SPINK9: variants seen among roughly 807,000 people sequenced by gnomAD.
SPINK9 encodes the protein serine peptidase inhibitor Kazal type 9.
In SPINK9, 3 loss-of-function variants were observed where a neutral mutation model predicts 10.8. The observed-to-expected ratio is 0.28, with a 90% CI of 0.13 to 0.72. The LOEUF (loss-of-function observed/expected upper bound fraction) is 0.72. Ranked by LOEUF, SPINK9 falls within the 30% of genes least tolerant of loss-of-function variation. The pLI, the probability that SPINK9 is intolerant of heterozygous loss-of-function variation, is 0.74. For missense variants in SPINK9, 101 were observed against 103.2 expected, an observed-to-expected ratio of 0.98 and a Z score of 0.09; for synonymous variants, 30 against 31.2, an observed-to-expected ratio of 0.96 and a Z score of 0.12.
chr5:148,334,845 T>C (rs561836898), upstream of SPINK9, among the ~76,000 whole-genome samples: 20 of 152,100 alleles, frequency 1.3e-4, no homozygotes, highest in African/African-American at 4.3e-4. Flanking sequence ...GATGATCAAA[T>C]GAAGATTAAA....
chr5:148,328,079 C>T (rs1442067714), intron 2 of SPINK9, among the ~76,000 whole-genome samples: 1 of 152,030 alleles, frequency 6.6e-6, no homozygotes, highest in African/African-American at 2.4e-5. Context: ...GGCATTGAAT[C>T]TATAAATTAC....
chr5:148,332,145 G>T (rs78225471), upstream of SPINK9, among the ~76,000 whole-genome samples: 1 of 152,190 alleles, frequency 6.6e-6, no homozygotes, highest in Admixed American at 6.5e-5. Context: ...ACTTAAAAAG[G>T]TGTTCTTCCT....
At chr5:148,329,529 A>G (rs1179481216) in intron 2 of SPINK9, among the ~76,000 whole-genome samples, 1 of 151,946 alleles carries the variant, frequency 6.6e-6, no homozygotes, top group Non-Finnish European at 1.5e-5. Flanking sequence ...GATCTTAGTT[A>G]TTTCTTGCCT....
At chr5:148,323,690 G>T in exon 2 of SPINK9, 1 of 618,170 alleles carries the variant, frequency 1.6e-6, no homozygotes, top group Non-Finnish European at 2.9e-6. Flanking sequence ...TTAGGTATTG[G>T]AGAAGAAGTG....
At chr5:148,322,679 A>G (rs549650395) in intron 1 of SPINK9, among the ~76,000 whole-genome samples, 1 of 152,330 alleles carries the variant, frequency 6.6e-6, no homozygotes, top group East Asian at 1.9e-4. Flanking sequence ...TTTACAAAAC[A>G]CTTTCATAGC....
chr5:148,331,022 C>A (rs1757141614), upstream of SPINK9, among the ~76,000 whole-genome samples: 1 of 152,236 alleles, frequency 6.6e-6, no homozygotes, highest in Non-Finnish European at 1.5e-5. Flanking sequence ...AATTCCCTGA[C>A]CCCTTGCACT....
intron 1 of SPINK9, 61 bp from the exon 2 acceptor site, chr5:148,336,361 T>C (rs1358636590): frequency 1.3e-6 from 2 of 1,549,746 alleles, no homozygotes; most frequent in South Asian, 1.1e-5. Flanking sequence ...AAAGATTCTT[T>C]TTCTAGTAAG....
chr5:148,323,778 T>C (rs779523631), exon 2 of SPINK9: 13 of 701,180 alleles, frequency 1.9e-5, no homozygotes, highest in Non-Finnish European at 2.6e-6. Flanking sequence ...TTCTCATCAT[T>C]GTTTTCATTA....
chr5:148,338,652 T>C (rs1182998766), intron 3 of SPINK9, 47 bp downstream of exon 3: 3 of 1,405,610 alleles, frequency 2.1e-6, no homozygotes, highest in Non-Finnish European at 2.9e-6. Context: ...TAAAAGTATA[T>C]ATTAAGACAA....
chr5:148,335,282 T>A (rs931129599), upstream of SPINK9, among the ~76,000 whole-genome samples: 2 of 152,224 alleles, frequency 1.3e-5, no homozygotes, highest in African/African-American at 4.8e-5. Context: ...GGCTTGTCTA[T>A]TGCAAGTTAT....
intron 2 of SPINK9, among the ~76,000 whole-genome samples, chr5:148,326,205 G>C (rs1418547878): frequency 2.0e-5 from 3 of 152,138 alleles, no homozygotes; most frequent in Non-Finnish European, 2.9e-5. Flanking sequence ...ATATCACTTT[G>C]CACCTGTTAG....
At chr5:148,325,174 A>G (rs572066044) in intron 2 of SPINK9, among the ~76,000 whole-genome samples, 1 of 152,220 alleles carries the variant, frequency 6.6e-6, no homozygotes, top group East Asian at 1.9e-4. Flanking sequence ...AATCATTCAT[A>G]AATTGATGGA....
chr5:148,328,611 C>T (rs1268459369), intron 2 of SPINK9, among the ~76,000 whole-genome samples: 1 of 152,134 alleles, frequency 6.6e-6, no homozygotes, highest in Non-Finnish European at 1.5e-5. Context: ...CCAGTTTTTG[C>T]CCATTCAGTA....
At chr5:148,329,308 AT>A (rs1757114312) in intron 2 of SPINK9, among the ~76,000 whole-genome samples, 1 of 152,162 alleles carries the variant, frequency 6.6e-6, no homozygotes, top group African/African-American at 2.4e-5. Flanking sequence ...TGTTTATAGT[AT>A]TCTCTGATGG....
chr5:148,325,323 T>C (rs945755315), intron 2 of SPINK9, among the ~76,000 whole-genome samples: 2 of 152,124 alleles, frequency 1.3e-5, no homozygotes, highest in Admixed American at 6.6e-5. Flanking sequence ...ATGTTTAACT[T>C]TTTGAGGAGC....
upstream of SPINK9, among the ~76,000 whole-genome samples, chr5:148,333,310 A>G (rs1475105657): frequency 6.6e-6 from 1 of 152,214 alleles, no homozygotes; most frequent in Non-Finnish European, 1.5e-5. Context: ...CGGCTTAGCC[A>G]AGGAGGGTTC....
At chr5:148,327,804 T>C (rs550246248) in intron 2 of SPINK9, among the ~76,000 whole-genome samples, 1 of 152,306 alleles carries the variant, frequency 6.6e-6, no homozygotes, top group African/African-American at 2.4e-5. Context: ...TTGTCAAAGA[T>C]CAGATAGTTG....
intron 3 of SPINK9, 98 bp downstream of exon 3, chr5:148,338,703 A>T: frequency 1.1e-6 from 1 of 904,260 alleles, no homozygotes; most frequent in Non-Finnish European, 1.6e-6. Flanking sequence ...TATGTGAATC[A>T]TATCATACTG....
intron 1 of SPINK9, among the ~76,000 whole-genome samples, chr5:148,323,087 A>C (rs920192486): frequency 6.6e-6 from 1 of 152,200 alleles, no homozygotes; most frequent in African/African-American, 2.4e-5. Context: ...GAACATGCAT[A>C]TTTTTAATGT....
Sources: gnomAD v4.1 joint callset for allele counts (sites outside exome capture counted in the v4.1 genomes callset) on GRCh38, gnomAD v4.1.1 for gene constraint, MANE v1.5 for transcripts, NCBI Gene and HGNC (gene_info 2026-07-23, HGNC 2026-07-21) for gene names.